The following NYAP2 variants were observed in gnomAD, a reference collection of about 807,000 sequenced individuals.
NYAP2 encodes neuronal tyrosine-phosphorylated phosphoinositide-3-kinase adapter 2.
A neutral mutation model predicts 50.4 loss-of-function variants in NYAP2; 23 were observed. The ratio of observed to expected loss-of-function variants is 0.46; its 90% CI spans 0.33 to 0.65. The LOEUF (loss-of-function observed/expected upper bound fraction) is 0.65. Ranked by LOEUF, NYAP2 falls within the 30% of genes least tolerant of loss-of-function variation. The probability of loss-of-function intolerance (pLI) is 0.02; values close to 1 mark genes in which losing one functional copy is unlikely to be tolerated. For synonymous variants in NYAP2, 394 were observed against 365.2 expected, an observed-to-expected ratio of 1.08 and a Z score of -0.90; for missense variants, 885 against 861.0, an observed-to-expected ratio of 1.03 and a Z score of -0.35.
At chr2:225,651,783 C>T in exon 7 of NYAP2, 1 of 540,362 alleles carries the variant, frequency 1.9e-6, no homozygotes, top group Non-Finnish European at 3.2e-6. Context: ...TCGTTTTTGT[C>T]TCTGGTTTCC....
intron 5 of NYAP2, among the ~76,000 whole-genome samples, chr2:225,592,899 A>T (rs775965790): frequency 2.0e-5 from 3 of 152,206 alleles, no homozygotes; most frequent in Non-Finnish European, 2.9e-5. Context: ...CCTGCTTTAG[A>T]TGTATAAAAT....
intron 4 of NYAP2, among the ~76,000 whole-genome samples, chr2:225,526,124 T>G (rs1174256543): frequency 2.6e-5 from 4 of 152,224 alleles, no homozygotes; most frequent in Non-Finnish European, 5.9e-5. Context: ...TTTGAGCTTA[T>G]GGGACCCTGA....
intron 3 of NYAP2, among the ~76,000 whole-genome samples, chr2:225,505,007 C>T (rs1226803046): frequency 2.8e-5 from 3 of 107,296 alleles, no homozygotes; most frequent in Non-Finnish European, 6.0e-5. Flanking sequence ...GACTGCGTCT[C>T]GAAAAAAAAA....
At chr2:225,676,562 A>G in the NYAP2 span, among the ~76,000 whole-genome samples, 3 of 152,152 alleles carry the variant, frequency 2.0e-5, no homozygotes, top group East Asian at 3.9e-4. Flanking sequence ...GAGCAAGTTC[A>G]TCTTACATGG....
chr2:225,449,243 T>G (rs569497764), intron 3 of NYAP2, among the ~76,000 whole-genome samples: 1 of 152,316 alleles, frequency 6.6e-6, no homozygotes, highest in Admixed American at 6.5e-5. Flanking sequence ...GAATGTATTT[T>G]TCCTTAACTA....
intron 2 of NYAP2, among the ~76,000 whole-genome samples, chr2:225,405,411 A>G (rs552719909): frequency 6.6e-6 from 1 of 152,040 alleles, no homozygotes; most frequent in Non-Finnish European, 1.5e-5. Flanking sequence ...TCTTGCATAC[A>G]TAATTGTCAT....
intron 4 of NYAP2, among the ~76,000 whole-genome samples, chr2:225,573,209 C>A (rs1233064466): frequency 6.6e-6 from 1 of 150,608 alleles, no homozygotes; most frequent in East Asian, 2.0e-4. Context: ...ATAAACTAAA[C>A]CAAAATACCA....
intron 3 of NYAP2, among the ~76,000 whole-genome samples, chr2:225,480,455 G>T (rs796250471): frequency 1.1e-4 from 16 of 152,190 alleles, no homozygotes; most frequent in African/African-American, 3.6e-4. Flanking sequence ...AACTAAAAGG[G>T]CATTTGAGCT....
intron 5 of NYAP2, among the ~76,000 whole-genome samples, chr2:225,621,099 C>T (rs552148631): frequency 1.4e-4 from 18 of 127,982 alleles, no homozygotes; most frequent in East Asian, 2.2e-4. Context: ...GGGCGACCAG[C>T]GAGACTCCGT....
intron 4 of NYAP2, among the ~76,000 whole-genome samples, chr2:225,531,434 C>T (rs905156891): frequency 3.3e-5 from 5 of 152,220 alleles, no homozygotes; most frequent in Admixed American, 3.3e-4. Context: ...GCCATTATAT[C>T]TGCTAATATA....
intron 2 of NYAP2, among the ~76,000 whole-genome samples, chr2:225,402,892 G>T (rs1694886828): frequency 6.6e-6 from 1 of 151,932 alleles, no homozygotes; most frequent in South Asian, 2.1e-4. Context: ...TTTTGACATG[G>T]TTTACATGTG....
chr2:225,517,186 TA>T (rs1402663954), intron 4 of NYAP2, among the ~76,000 whole-genome samples: 1 of 152,224 alleles, frequency 6.6e-6, no homozygotes, highest in African/African-American at 2.4e-5. Flanking sequence ...GAAACACCTT[TA>T]AAAATTTATA....
At chr2:225,679,208 GA>G in the NYAP2 span, among the ~76,000 whole-genome samples, 128 of 148,742 alleles carry the variant, frequency 8.6e-4, no homozygotes, top group African/African-American at 2.8e-3. Flanking sequence ...CTTTATTTGA[GA>G]AAAAAAAGGT....
At chr2:225,552,995 T>C (rs968310020) in intron 4 of NYAP2, among the ~76,000 whole-genome samples, 2 of 152,210 alleles carry the variant, frequency 1.3e-5, no homozygotes, top group African/African-American at 2.4e-5. Context: ...AGCCAACTTT[T>C]TGTTTTTATC....
chr2:225,682,700 A>G, the NYAP2 span, among the ~76,000 whole-genome samples: 1 of 152,166 alleles, frequency 6.6e-6, no homozygotes, highest in African/African-American at 2.4e-5. Flanking sequence ...CATATTTTCA[A>G]AAGTAGCAGG....
intron 4 of NYAP2, among the ~76,000 whole-genome samples, chr2:225,576,298 T>G (rs1692169064): frequency 6.6e-6 from 1 of 152,226 alleles, no homozygotes; most frequent in Non-Finnish European, 1.5e-5. Flanking sequence ...GATCCAGGAC[T>G]GTAACACAGG....
chr2:225,588,029 A>G (rs999688290), intron 5 of NYAP2, among the ~76,000 whole-genome samples: 1 of 151,982 alleles, frequency 6.6e-6, no homozygotes, highest in Non-Finnish European at 1.5e-5. Context: ...GGTTCAAGAA[A>G]TTCTCCTGCC....
intron 3 of NYAP2, among the ~76,000 whole-genome samples, chr2:225,413,623 G>C (rs1695081411): frequency 6.6e-6 from 1 of 152,086 alleles, no homozygotes; most frequent in African/African-American, 2.4e-5. Flanking sequence ...AAAGTCCATA[G>C]CAAGATCCTA....
chr2:225,680,036 A>G, the NYAP2 span, among the ~76,000 whole-genome samples: 1 of 152,114 alleles, frequency 6.6e-6, no homozygotes. Context: ...TATGAGATAG[A>G]TAGCACCGGG....
Sources: allele counts gnomAD v4.1 joint callset (sites outside exome capture counted in the v4.1 genomes callset), GRCh38; gene constraint gnomAD v4.1.1; transcripts MANE v1.5; gene names NCBI Gene and HGNC (gene_info 2026-07-23, HGNC 2026-07-21).